Variants in TEX2 observed in about 807,000 individuals in gnomAD.
TEX2 encodes testis-expressed protein 2.
In TEX2, 53 loss-of-function variants were observed where a neutral mutation model predicts 106.9. The observed-to-expected ratio is 0.50, with a 90% CI of 0.40 to 0.62. The LOEUF (loss-of-function observed/expected upper bound fraction) is 0.62, where lower values mean the gene tolerates loss of function less well. Ranked by LOEUF, TEX2 falls within the 20% of genes least tolerant of loss-of-function variation. The pLI is 0.00. For missense variants in TEX2, 1,207 were observed against 1,379.0 expected (o/e 0.88, Z 1.98); for synonymous variants, 523 against 534.8 (o/e 0.98, Z 0.30).
chr17:64,195,022 C>T lies in TEX2; in HGVS notation c.1718G>A (p.Arg573Gln), dbSNP rs538781023. The T allele has an allele frequency of 6.2e-6, 10 of 1,614,036 alleles. No homozygotes were observed. The highest frequency in any genetic ancestry group is 2.2e-5 in the South Asian group (2 of 91,068). ...AAGTCTTAAGGTTCCACCCTCAAGT[C>T]GAACAAAGACTGAATGTGTCAAAGT... ...HATLTHSVFV[R>Q]LEGGTLRLSK... Residue 573 changes from arginine to glutamine, a missense_variant, in exon 3 of 12, where the codon CGA (arginine) becomes CAA (glutamine). Around this residue, in one of 3 missense-constraint regions of TEX2, gnomAD observed 1,067 missense variants for 1,193.6 expected, o/e 0.89. Coordinates refer to ENST00000584379, the MANE Select transcript of TEX2 (RefSeq NM_001288732.2). This position sits in a 1 kb window ranked among gnomAD's most constrained non-coding sequence, Gnocchi z 4.1.
chr17:64,258,478 T>C (rs781846261), intron 1 of TEX2, among the ~76,000 whole-genome samples: 1 of 152,170 alleles, frequency 6.6e-6, no homozygotes, highest in Non-Finnish European at 1.5e-5. Flanking sequence ...AGATTGATAA[T>C]AGTATCTACT....
chr17:64,227,452 T>C (rs1018978872), intron 1 of TEX2, among the ~76,000 whole-genome samples: 21 of 152,174 alleles, frequency 1.4e-4, no homozygotes, highest in African/African-American at 5.1e-4. Context: ...TATTTGCTAA[T>C]TTCAGGTATT....
At chr17:64,152,793 T>G in intron 10 of TEX2, 152 bp downstream of exon 10, 1 of 659,960 alleles carries the variant, frequency 1.5e-6, no homozygotes, top group Non-Finnish European at 2.6e-6. Context: ...CCATCAGATT[T>G]GCAACTAATA....
At chr17:64,187,258 C>T (rs1354457328) in intron 5 of TEX2, among the ~76,000 whole-genome samples, 2 of 152,204 alleles carry the variant, frequency 1.3e-5, no homozygotes, top group Non-Finnish European at 2.9e-5. Context: ...TTCAAAAGCA[C>T]TGGGCATAGC....
At chr17:64,258,809 G>A (rs1405826102) in intron 1 of TEX2, among the ~76,000 whole-genome samples, 1 of 151,220 alleles carries the variant, frequency 6.6e-6, no homozygotes, top group Non-Finnish European at 1.5e-5. Flanking sequence ...ACCCAGGCTG[G>A]AGTGCAGTGG....
Position 64,195,399 on chromosome 17 carries a change from T to C in TEX2, c.1645-304A>G, listed in dbSNP as rs1225000588. On this transcript the variant is annotated intron_variant, in intron 2 of 11. Transcript: ENST00000584379. The surrounding 1 kb of genome is among the most constrained non-coding windows in gnomAD (Gnocchi z 4.1). ...CACATCAGGAAACTCAGAAGATTTG[T>C]TCATGTGACTGAGCAAGCCTCTCTG... is the stretch of plus-strand genomic sequence containing the variant. Among the ~76,000 whole-genome samples, 1 of 152,202 alleles carries C rather than the reference T, an allele frequency of 6.6e-6. No homozygotes were observed. The highest frequency in any genetic ancestry group is 1.5e-5 in the Non-Finnish European group (1 of 68,038).
At chr17:64,218,877 A>C (rs1381669865) in intron 1 of TEX2, among the ~76,000 whole-genome samples, 3 of 152,208 alleles carry the variant, frequency 2.0e-5, no homozygotes, top group East Asian at 3.9e-4. Flanking sequence ...CTTAGACTGG[A>C]GGCCTAGGTT....
At chr17:64,171,063 T>C in intron 7 of TEX2, 37 bp downstream of exon 7, 2 of 1,524,962 alleles carry the variant, frequency 1.3e-6, no homozygotes, top group Non-Finnish European at 1.8e-6. Context: ...GCAAAGGATA[T>C]ATTTTAACAC....
chr17:64,237,818 G>A (rs2033803437), intron 1 of TEX2, among the ~76,000 whole-genome samples: 1 of 152,124 alleles, frequency 6.6e-6, no homozygotes, highest in South Asian at 2.1e-4. Context: ...CCCAGTGTGA[G>A]TATCAGAAAG....
rs1555631890 is a variant in TEX2, at chr17:64,213,114, G to A, written c.1104C>T (p.Asp368=). ...YGSDSNIPRS[D]HPKSTGEPTR... is the part of the protein sequence containing the mutation. ...TGGGCTCACCAGTGGACTTTGGGTGGTCACTTCTGGGGATGTTGGAATCAC... is the reference window on the plus strand; with the variant it reads ...TGGGCTCACCAGTGGACTTTGGGTGATCACTTCTGGGGATGTTGGAATCAC... The change falls in exon 2 of 12, where the codon GAC becomes GAT. Residue 368 remains aspartate, a synonymous_variant. Transcript: ENST00000584379. The surrounding 1 kb of genome is among the most constrained non-coding windows in gnomAD (Gnocchi z 4.4). 1.2e-6 allele frequency: 2 copies of A among 1,614,030 alleles called. No homozygotes were observed. The highest frequency in any genetic ancestry group is 2.7e-5 in the African/African-American group (2 of 74,894).
In TEX2 at chr17:64,152,942, C is replaced by T. The variant is rs2030429828; in HGVS notation, c.3140+3G>A. On this transcript the variant is annotated splice_donor_region_variant and intron_variant, in intron 10 of 11. Coordinates refer to ENST00000584379, the MANE Select transcript of TEX2 (RefSeq NM_001288732.2). The stretch of plus-strand genomic sequence containing the variant: ...TTATTGTCCCTGAGGGCCCTCTACG[C>T]ACCATACTCGGTCAGTCGGGGGTGG... The T allele has an allele frequency of 6.2e-7, 1 of 1,613,722 alleles. No individual in the cohort carries two copies. Among genetic ancestry groups the T allele is most frequent in the Non-Finnish European group, 8.5e-7 (1 of 1,179,888 alleles).
chr17:64,224,561 A>T (rs375328251), intron 1 of TEX2, among the ~76,000 whole-genome samples: 3 of 151,708 alleles, frequency 2.0e-5, no homozygotes. Context: ...TATCTTCATC[A>T]CTGGCAAGAA....
chr17:64,164,616 T>G (rs1396185558), intron 7 of TEX2, among the ~76,000 whole-genome samples: 1 of 152,134 alleles, frequency 6.6e-6, no homozygotes, highest in Admixed American at 6.6e-5. Context: ...AATTACAGCT[T>G]ATTCCACCAA....
intron 2 of TEX2, among the ~76,000 whole-genome samples, chr17:64,197,236 A>G (rs1555629483): frequency 6.6e-6 from 1 of 152,036 alleles, no homozygotes; most frequent in African/African-American, 2.4e-5. Context: ...TTTGCCCATG[A>G]AGCTATCTGG....
intron 4 of TEX2, among the ~76,000 whole-genome samples, chr17:64,188,802 C>T (rs180862208): frequency 1.4e-4 from 21 of 146,014 alleles, no homozygotes; most frequent in African/African-American, 4.1e-4. Context: ...GGCAACAGAG[C>T]GAGACTCCAT....
chr17:64,210,144 TGG>T (rs1336536871), intron 2 of TEX2, among the ~76,000 whole-genome samples: 9 of 152,218 alleles, frequency 5.9e-5, no homozygotes, highest in African/African-American at 2.2e-4. Context: ...CGAACTTACT[TGG>T]AGAGCACGTA....
At chr17:64,245,689 C>T (rs1436934970) in intron 1 of TEX2, among the ~76,000 whole-genome samples, 3 of 152,168 alleles carry the variant, frequency 2.0e-5, no homozygotes, top group African/African-American at 7.2e-5. Flanking sequence ...CTTTTCTGAT[C>T]CTAAACCTTT....
intron 1 of TEX2, among the ~76,000 whole-genome samples, chr17:64,258,640 C>T (rs1361993599): frequency 6.6e-6 from 1 of 152,134 alleles, no homozygotes; most frequent in East Asian, 1.9e-4. Context: ...GTCCTGAATA[C>T]AATCATTTTC....
At chr17:64,168,869 C>T (rs888425940) in intron 7 of TEX2, among the ~76,000 whole-genome samples, 4 of 146,350 alleles carry the variant, frequency 2.7e-5, no homozygotes, top group Admixed American at 1.4e-4. Flanking sequence ...AGTGAAGATG[C>T]TAGCTAGCTA....
Sources: allele counts gnomAD v4.1 joint callset (sites outside exome capture counted in the v4.1 genomes callset), GRCh38; gene constraint gnomAD v4.1.1; regional missense constraint gnomAD v4.1.1; non-coding constraint Gnocchi (gnomAD v3.1); transcripts MANE v1.5; gene names NCBI Gene and HGNC (gene_info 2026-07-23, HGNC 2026-07-21).